The following FBXW7 variants were observed in gnomAD, a reference collection of about 807,000 sequenced individuals.
FBXW7 encodes the protein F-box and WD repeat domain containing 7.
FBXW7 carries 11 observed loss-of-function variants against 86.3 expected under a neutral mutation model. The ratio of observed to expected loss-of-function variants is 0.13; its 90% CI spans 0.08 to 0.21. FBXW7 has a LOEUF of 0.21. FBXW7 is among the 10% of genes least tolerant of loss of function. The pLI, the probability that FBXW7 is intolerant of heterozygous loss-of-function variation, is 1.00. For synonymous variants in FBXW7, 313 were observed against 297.9 expected, an observed-to-expected ratio of 1.05 and a Z score of -0.52; for missense variants, 488 against 847.4, an observed-to-expected ratio of 0.58 and a Z score of 5.27.
At chr4:152,436,036 A>T (rs1025666650) in intron 2 of FBXW7, among the ~76,000 whole-genome samples, 6 of 152,154 alleles carry the variant, frequency 3.9e-5, no homozygotes, top group Non-Finnish European at 7.3e-5. Context: ...CCCTCTCCTT[A>T]GGCCTCCCTA....
chr4:152,367,522 C>G (rs1220535681), intron 4 of FBXW7, among the ~76,000 whole-genome samples: 1 of 151,994 alleles, frequency 6.6e-6, no homozygotes, highest in Admixed American at 6.6e-5. Flanking sequence ...CTAAAATACT[C>G]TAATAAAAAT....
chr4:152,376,298 T>C (rs954426850), intron 4 of FBXW7, among the ~76,000 whole-genome samples: 10 of 152,104 alleles, frequency 6.6e-5, no homozygotes, highest in African/African-American at 2.4e-4. Context: ...ATTCCCAAAT[T>C]TGCTTTACCA....
Position 152,346,704 on chromosome 4 carries a change from T to G in FBXW7, c.726+226A>C, listed in dbSNP as rs1230046483. 14 of 486,888 alleles carry G rather than the reference T, an allele frequency of 2.9e-5. No individual in the cohort carries two copies. The East Asian group carries it at 4.8e-4, about 17-fold the overall frequency. The allele number at this position is 486,888 out of a possible 1,614,324, so 30.2% of individuals were successfully genotyped here. A position where few individuals can be genotyped will look rare whatever the true frequency, so the allele number is the denominator to read the frequency against. The stretch of plus-strand genomic sequence containing the variant: ...TCCTCCCCTCATTGTCAGGCAACCA[T>G]TAATCTACTTTCTGTCTCTATGGAT... On this transcript the variant is annotated intron_variant, in intron 6 of 13. Coordinates refer to ENST00000281708, the MANE Select transcript of FBXW7 (RefSeq NM_001349798.2).
intron 7 of FBXW7, among the ~76,000 whole-genome samples, chr4:152,336,936 G>A (rs1381776513): frequency 2.6e-5 from 4 of 151,866 alleles, no homozygotes; most frequent in African/African-American, 4.8e-5. Flanking sequence ...CATTTGAAAT[G>A]GTATGTTAGT....
intron 4 of FBXW7, among the ~76,000 whole-genome samples, chr4:152,381,226 A>G (rs995787795): frequency 6.6e-6 from 1 of 152,110 alleles, no homozygotes; most frequent in African/African-American, 2.4e-5. Flanking sequence ...CTCTTTATTA[A>G]GGAGGAAAAA....
intron 9 of FBXW7, 115 bp downstream of exon 9, chr4:152,330,617 C>T (rs774605915): frequency 1.4e-5 from 12 of 842,110 alleles, no homozygotes; most frequent in Non-Finnish European, 1.9e-5. Flanking sequence ...TTAAAATATA[C>T]GGTTTTCTTT....
At chr4:152,407,585 G>A (rs1049830131) in intron 4 of FBXW7, among the ~76,000 whole-genome samples, 3 of 152,188 alleles carry the variant, frequency 2.0e-5, no homozygotes, top group Non-Finnish European at 2.9e-5. Context: ...GGTCCTAGGA[G>A]GTGGTTGGAG....
At chr4:152,451,127 T>C (rs1044377847) in intron 2 of FBXW7, among the ~76,000 whole-genome samples, 2 of 152,204 alleles carry the variant, frequency 1.3e-5, no homozygotes, top group African/African-American at 4.8e-5. Context: ...AAGCATAATA[T>C]TGTTTATGAA....
At chr4:152,409,799 T>G (rs1316546210) in intron 4 of FBXW7, among the ~76,000 whole-genome samples, 4 of 151,914 alleles carry the variant, frequency 2.6e-5, no homozygotes, top group African/African-American at 9.7e-5. Context: ...TATACATAAA[T>G]GCATACACAC....
At chr4:152,361,862 A>C (rs1560805288) in intron 4 of FBXW7, among the ~76,000 whole-genome samples, 1 of 148,532 alleles carries the variant, frequency 6.7e-6, no homozygotes. Flanking sequence ...GCTACTTGGG[A>C]GGCTAAGGCA....
In FBXW7 at chr4:152,446,619, C is replaced by A. The variant is rs1741427106; in HGVS notation, c.-119-34090G>T. ...CAGGGCTCTTTAGAAAAGGCAGCTC[C>A]ACTGAGGCTAGAACTTCACGCTGCC... On this transcript the variant is annotated intron_variant, in intron 2 of 13. Coordinates refer to ENST00000281708, the MANE Select transcript of FBXW7 (RefSeq NM_001349798.2). 2.6e-5 allele frequency among the ~76,000 whole-genome samples: 4 copies of A among 152,180 alleles called. No individual in the cohort carries two copies. In the South Asian group the frequency reaches 8.3e-4, roughly 31 times the overall value.
At chr4:152,441,116 AG>A (rs1740858839) in intron 2 of FBXW7, among the ~76,000 whole-genome samples, 1 of 152,172 alleles carries the variant, frequency 6.6e-6, no homozygotes, top group African/African-American at 2.4e-5. Flanking sequence ...ATGTATATTC[AG>A]CAACTCGAAC....
intron 7 of FBXW7, among the ~76,000 whole-genome samples, chr4:152,334,032 C>T (rs930065353): frequency 2.0e-5 from 3 of 151,944 alleles, no homozygotes; most frequent in African/African-American, 4.8e-5. Context: ...CCAGCCCGGG[C>T]GACAGACCAA....
chr4:152,347,618 G>C (rs926978982), intron 5 of FBXW7, among the ~76,000 whole-genome samples: 23 of 152,026 alleles, frequency 1.5e-4, no homozygotes, highest in Non-Finnish European at 2.8e-4. Flanking sequence ...TATTTATAAA[G>C]TTTGGTCTGA....
chr4:152,397,910 C>T (rs1262293059), intron 4 of FBXW7, among the ~76,000 whole-genome samples: 25 of 151,696 alleles, frequency 1.6e-4, no homozygotes, highest in Admixed American at 1.4e-3. Flanking sequence ...CAATGAGAGG[C>T]CTATTCTTTT....
intron 4 of FBXW7, among the ~76,000 whole-genome samples, chr4:152,387,530 G>C (rs191754254): frequency 6.9e-6 from 1 of 145,714 alleles, no homozygotes; most frequent in East Asian, 2.0e-4. Context: ...TTTAAACACA[G>C]AGGAAAACAA....
At chr4:152,507,800 C>T (rs1324261186) in intron 2 of FBXW7, among the ~76,000 whole-genome samples, 2 of 151,938 alleles carry the variant, frequency 1.3e-5, no homozygotes, top group Non-Finnish European at 2.9e-5. Context: ...GCCTATAATC[C>T]CAGCACTTTG....
chr4:152,358,472 T>C (rs2126686165), intron 4 of FBXW7, among the ~76,000 whole-genome samples: 1 of 151,658 alleles, frequency 6.6e-6, no homozygotes, highest in Middle Eastern at 3.4e-3. Flanking sequence ...AATTAGTGAT[T>C]AGTCATGATA....
At chr4:152,484,686 G>T (rs1336716309) in intron 2 of FBXW7, among the ~76,000 whole-genome samples, 1 of 152,172 alleles carries the variant, frequency 6.6e-6, no homozygotes, top group Non-Finnish European at 1.5e-5. Context: ...TATAGAATGG[G>T]TACGGTAGCT....
Sources: gnomAD v4.1 joint callset for allele counts (sites outside exome capture counted in the v4.1 genomes callset) on GRCh38, gnomAD v4.1.1 for gene constraint, MANE v1.5 for transcripts, NCBI Gene and HGNC (gene_info 2026-07-23, HGNC 2026-07-21) for gene names.